Variants in BACH2 observed in about 807,000 individuals in gnomAD.
BACH2 encodes the protein transcription regulator protein BACH2.
BACH2 carries 5 observed loss-of-function variants against 61.8 expected under a neutral mutation model. The observed-to-expected ratio is 0.08, with a 90% CI of 0.04 to 0.17. The LOEUF is 0.17. Among genes scored for constraint, BACH2 ranks in the 10% least tolerant of loss-of-function variants. The pLI is 1.00. For missense variants in BACH2, 824 were observed against 1,091.1 expected (o/e 0.76, Z 3.45); for synonymous variants, 446 against 440.1 (o/e 1.01, Z -0.17).
intron 5 of BACH2, among the ~76,000 whole-genome samples, chr6:90,066,020 C>T (rs950501601): frequency 5.9e-5 from 9 of 152,150 alleles, no homozygotes; most frequent in African/African-American, 1.9e-4. Flanking sequence ...ATTCCTGTTT[C>T]CTTTTCACTG....
In BACH2 at chr6:90,003,530, C is replaced by T. The variant is rs147263209; in HGVS notation, c.243+5072G>A. 2.8e-3 allele frequency among the ~76,000 whole-genome samples: 426 copies of T among 152,286 alleles called. 3 individuals carry two copies. The highest frequency in any genetic ancestry group is 9.8e-3 in the African/African-American group (406 of 41,566). ...TTCCTCTTTTTCCTCCTCCTCCCCA[C>T]TGGAATGTGAGCTAGGTTCGCCTAG... On this transcript the variant is annotated intron_variant, in intron 6 of 8. Transcript: ENST00000257749.
intron 4 of BACH2, among the ~76,000 whole-genome samples, chr6:90,135,065 T>C (rs1323859639): frequency 6.6e-6 from 1 of 152,208 alleles, no homozygotes; most frequent in Non-Finnish European, 1.5e-5. Context: ...AATGGAGTGA[T>C]GACCGTGCAA....
At chr6:89,992,813 A>T (rs963354931) in intron 6 of BACH2, among the ~76,000 whole-genome samples, 2 of 152,088 alleles carry the variant, frequency 1.3e-5, no homozygotes, top group Non-Finnish European at 2.9e-5. Flanking sequence ...CGAATCTACT[A>T]TTTTTTCATA....
intron 7 of BACH2, among the ~76,000 whole-genome samples, chr6:89,946,560 T>C (rs1562314416): frequency 1.3e-5 from 2 of 152,184 alleles, no homozygotes; most frequent in Admixed American, 1.3e-4. Context: ...CTGAAATGTC[T>C]GGTGATAAGT....
chr6:90,146,846 T>C, intron 4 of BACH2, among the ~76,000 whole-genome samples: 1 of 152,184 alleles, frequency 6.6e-6, no homozygotes, highest in East Asian at 1.9e-4. Context: ...TAAAACTAAC[T>C]TTACAAGTGG....
chr6:90,046,027 G>A (rs1320835560), intron 5 of BACH2, among the ~76,000 whole-genome samples: 1 of 151,930 alleles, frequency 6.6e-6, no homozygotes, highest in African/African-American at 2.4e-5. Context: ...CTGTATCTCT[G>A]TGTAATACTC....
chr6:89,944,399 T>C (rs1037459253), intron 7 of BACH2, among the ~76,000 whole-genome samples: 1 of 152,246 alleles, frequency 6.6e-6, no homozygotes, highest in Non-Finnish European at 1.5e-5. Flanking sequence ...TGCTTTGGAA[T>C]TCCAGACACT....
intron 5 of BACH2, among the ~76,000 whole-genome samples, chr6:90,054,667 A>G (rs1476029161): frequency 1.3e-5 from 2 of 152,252 alleles, no homozygotes; most frequent in East Asian, 1.9e-4. Flanking sequence ...GAACGGGCAT[A>G]CTGCCTCCTT....
intron 4 of BACH2, among the ~76,000 whole-genome samples, chr6:90,125,367 T>C (rs1300307714): frequency 6.6e-6 from 1 of 152,200 alleles, no homozygotes; most frequent in Non-Finnish European, 1.5e-5. Context: ...TTGCCTTTCA[T>C]GTTACATATA....
chr6:90,099,545 T>C (rs1481246496), intron 4 of BACH2, among the ~76,000 whole-genome samples: 2 of 152,112 alleles, frequency 1.3e-5, no homozygotes, highest in Non-Finnish European at 2.9e-5. Context: ...AAACTGGCTA[T>C]GTTTTTTGTT....
At chr6:89,955,321 T>C (rs1774365124) in intron 6 of BACH2, among the ~76,000 whole-genome samples, 1 of 152,142 alleles carries the variant, frequency 6.6e-6, no homozygotes. Context: ...GTACAAATGA[T>C]GAAAAGTTAA....
At chr6:90,027,526 G>T (rs954210547) in intron 5 of BACH2, among the ~76,000 whole-genome samples, 2 of 152,080 alleles carry the variant, frequency 1.3e-5, no homozygotes, top group Non-Finnish European at 2.9e-5. Context: ...ACTGCCATGG[G>T]GGCAGACAAT....
chr6:90,205,010 G>C (rs1387209325), intron 4 of BACH2, among the ~76,000 whole-genome samples: 1 of 152,174 alleles, frequency 6.6e-6, no homozygotes, highest in African/African-American at 2.4e-5. Flanking sequence ...AGCGGCCAGA[G>C]TCTCCCATAA....
At chr6:90,254,667 G>T (rs946562905) in intron 2 of BACH2, among the ~76,000 whole-genome samples, 1 of 151,864 alleles carries the variant, frequency 6.6e-6, no homozygotes, top group Non-Finnish European at 1.5e-5. Flanking sequence ...TTTCCTCTTG[G>T]ACTTTTATCC....
intron 1 of BACH2, among the ~76,000 whole-genome samples, chr6:90,295,753 CCTTAGGT>C (rs1221131854): frequency 3.9e-5 from 6 of 152,018 alleles, no homozygotes; most frequent in Non-Finnish European, 7.4e-5. Context: ...AGCCTGGCGC[CCTTAGGT>C]CTTAGCTACG....
intron 6 of BACH2, among the ~76,000 whole-genome samples, chr6:89,989,276 T>G (rs1776407908): frequency 6.6e-6 from 1 of 152,176 alleles, no homozygotes. Context: ...AATCTGAAAA[T>G]CTATACCCAT....
chr6:90,221,138 T>C (rs1480958046), intron 3 of BACH2, among the ~76,000 whole-genome samples: 1 of 152,272 alleles, frequency 6.6e-6, no homozygotes, highest in African/African-American at 2.4e-5. Context: ...AAACTTGTTC[T>C]GAAGTGAAAT....
chr6:90,021,636 TATAAA>T (rs1040221555), intron 5 of BACH2, among the ~76,000 whole-genome samples: 3 of 152,222 alleles, frequency 2.0e-5, no homozygotes, highest in African/African-American at 4.8e-5. Context: ...GGTTAGTTCT[TATAAA>T]AGAAAGTTTT....
At position 90,132,633 on chromosome 6, in the gene BACH2, A is replaced by C. The variant is rs73505250; in HGVS notation, c.-161-43524T>G. On this transcript the variant is annotated intron_variant, in intron 4 of 8. Coordinates refer to ENST00000257749, the MANE Select transcript of BACH2 (RefSeq NM_021813.4). ...TCCTCCTCCCACCCCTACCGTGGCT[A>C]CACCATTACAAGAACCTCTCACTGG... Among the ~76,000 whole-genome samples, 613 of 152,248 alleles carry C rather than the reference A, an allele frequency of 4.0e-3. 4 individuals carry two copies. The highest frequency in any genetic ancestry group is 0.03 in the South Asian group (145 of 4,812).
Sources: allele counts gnomAD v4.1 joint callset (sites outside exome capture counted in the v4.1 genomes callset), GRCh38; gene constraint gnomAD v4.1.1; transcripts MANE v1.5; gene names NCBI Gene and HGNC (gene_info 2026-07-23, HGNC 2026-07-21).